Variants in CPS1 observed in about 807,000 individuals in gnomAD.
CPS1 encodes the protein carbamoyl-phosphate synthase 1.
CPS1 carries 109 observed loss-of-function variants against 174.6 expected under a neutral mutation model. The ratio of observed to expected loss-of-function variants is 0.62; its 90% confidence interval spans 0.53 to 0.73. The LOEUF is 0.73. CPS1 is among the 30% of genes least tolerant of loss of function. The pLI is 0.00. For synonymous variants in CPS1, 637 were observed against 632.0 expected, an observed-to-expected ratio of 1.01 and a Z score of -0.12; for missense variants, 1,689 against 1,821.9, an observed-to-expected ratio of 0.93 and a Z score of 1.33.
chr2:210,582,554 T>C (rs2106091649), intron 5 of CPS1, 63 bp from the exon 6 acceptor site: 4 of 1,252,932 alleles, frequency 3.2e-6, no homozygotes, highest in Middle Eastern at 1.9e-4. Flanking sequence ...TCCCTGTGAG[T>C]TTATCTTGTC....
intron 16 of CPS1, among the ~76,000 whole-genome samples, 169 bp downstream of exon 16, chr2:210,602,499 T>G (rs1212930891): frequency 6.6e-6 from 1 of 151,984 alleles, no homozygotes; most frequent in African/African-American, 2.4e-5. Context: ...GAGCATGCAG[T>G]GCAACTCTTC....
intron 25 of CPS1, among the ~76,000 whole-genome samples, chr2:210,645,776 C>G (rs542380241): frequency 1.3e-5 from 2 of 152,226 alleles, no homozygotes; most frequent in East Asian, 3.9e-4. Context: ...AAGCTCTATA[C>G]ATGTATTTGC....
At chr2:210,495,529 C>T (rs1018928375) in intron 1 of CPS1, among the ~76,000 whole-genome samples, 8 of 152,184 alleles carry the variant, frequency 5.3e-5, no homozygotes, top group Non-Finnish European at 1.0e-4. Flanking sequence ...CCCACTCTGT[C>T]CCCAGCTTTT....
intron 30 of CPS1, chr2:210,657,248 AAAT>A (rs1700741271): frequency 6.4e-6 from 1 of 156,116 alleles, no homozygotes; most frequent in African/African-American, 2.4e-5. Flanking sequence ...AACTTAACAA[AAAT>A]AATGACTCTG....
upstream of CPS1, among the ~76,000 whole-genome samples, chr2:210,553,900 A>G (rs910739337): frequency 4.6e-5 from 7 of 151,704 alleles, no homozygotes; most frequent in South Asian, 1.5e-3. Context: ...ACACTCAAGT[A>G]TGAAACTAGC....
At chr2:210,548,742 A>T (rs1696629646) in intron 1 of CPS1, among the ~76,000 whole-genome samples, 1 of 151,978 alleles carries the variant, frequency 6.6e-6, no homozygotes, top group African/African-American at 2.4e-5. Context: ...AGCCTATATA[A>T]AATAAAAAAA....
intron 1 of CPS1, among the ~76,000 whole-genome samples, chr2:210,510,474 G>T (rs1404961851): frequency 1.4e-4 from 22 of 151,956 alleles, no homozygotes; most frequent in Admixed American, 1.3e-3. Context: ...ATGGGCAAGG[G>T]CAAGGACTTC....
At chr2:210,554,078 CATACATATGTATATGTATGTAT>C (rs1696801663), upstream of CPS1, among the ~76,000 whole-genome samples, 1 of 146,754 alleles carries the variant, frequency 6.8e-6, no homozygotes, top group African/African-American at 2.5e-5. Flanking sequence ...TACATATATA[CATACATATGTATATGTATGTAT>C]ATACACATAT....
In CPS1 at chr2:210,556,598, CAAAGATCGCTG is replaced by C; in HGVS notation, c.-135_-125del. 1 of 1,494,176 alleles carries C rather than the reference CAAAGATCGCTG, an allele frequency of 6.7e-7. No individual in the cohort carries two copies. The highest frequency in any genetic ancestry group is 1.4e-5 in the South Asian group (1 of 72,850). 92.6% of individuals were successfully genotyped at this position (1,494,176 alleles called of 1,614,324 possible). A position where few individuals can be genotyped will look rare whatever the true frequency, so the allele number is the denominator to read the frequency against. On this transcript the variant is annotated 5_prime_UTR_variant, in exon 1 of 38. Transcript: ENST00000233072. Reference sequence around the variant, plus strand: ...TTTAATGGCAGAATGAATGGAAATTCAAAGATCGCTGTGCAGTCAGCCTTAAACACTGACTG... The same window carrying C: ...TTTAATGGCAGAATGAATGGAAATTCTGCAGTCAGCCTTAAACACTGACTG...
At chr2:210,629,376 G>A (rs1169706094) in intron 21 of CPS1, among the ~76,000 whole-genome samples, 1 of 151,658 alleles carries the variant, frequency 6.6e-6, no homozygotes, top group African/African-American at 2.4e-5. Context: ...GTGCAGTGGC[G>A]CGATCTCGGC....
At chr2:210,488,965 T>A (rs1036170350) in intron 1 of CPS1, among the ~76,000 whole-genome samples, 12 of 152,220 alleles carry the variant, frequency 7.9e-5, no homozygotes, top group Admixed American at 7.8e-4. Flanking sequence ...ATGAATATTC[T>A]TTTAATTCTT....
chr2:210,571,186 C>G (rs1035103632), intron 1 of CPS1, among the ~76,000 whole-genome samples: 5 of 151,762 alleles, frequency 3.3e-5, no homozygotes, highest in African/African-American at 9.7e-5. Flanking sequence ...CTGAGTAACT[C>G]TAAAGTATTT....
chr2:210,484,881 G>A (rs1694672889), intron 1 of CPS1, among the ~76,000 whole-genome samples: 1 of 152,148 alleles, frequency 6.6e-6, no homozygotes, highest in Non-Finnish European at 1.5e-5. Context: ...GGTTTTCTGT[G>A]TGGCATGCAG....
chr2:210,534,207 G>T (rs1164339267), intron 1 of CPS1, among the ~76,000 whole-genome samples: 1 of 152,200 alleles, frequency 6.6e-6, no homozygotes, highest in Non-Finnish European at 1.5e-5. Flanking sequence ...CTCGCGAGGG[G>T]CTACTCATGG....
rs1222081568 is a variant in CPS1 at position 210,642,657 on chromosome 2, C to A, written c.3133C>A (p.His1045Asn). 6.2e-7 allele frequency: 1 copy of A among 1,613,374 alleles called. No individual in the cohort carries two copies. Among genetic ancestry groups the A allele is most frequent in the Non-Finnish European group, 8.5e-7 (1 of 1,179,748 alleles). Reference protein sequence around the residue: ...LSLERILDIYHQEACGGCIIS... With the variant: ...LSLERILDIYNQEACGGCIIS... The stretch of plus-strand genomic sequence containing the variant: ...CTTGGAGAGAATCCTAGACATCTAC[C>A]ATCAGGAGGTAAGAAAAGAAAAACA... The change falls in exon 25 of 38, where the codon CAT becomes AAT. Residue 1045 changes from histidine (H) to asparagine (N), a missense_variant. Transcript: ENST00000233072.
chr2:210,668,860 C>A (rs553929816), intron 34 of CPS1, among the ~76,000 whole-genome samples: 65 of 152,300 alleles, frequency 4.3e-4, no homozygotes, highest in Non-Finnish European at 8.2e-4. Context: ...CATATCTGTT[C>A]TCTCCTGACC....
chr2:210,657,643 C>T (rs1700760875), intron 30 of CPS1: 1 of 152,146 alleles, frequency 6.6e-6, no homozygotes, highest in Non-Finnish European at 1.5e-5. Flanking sequence ...GAGGAGGTCC[C>T]ATTAGTCTTT....
intron 3 of CPS1, 129 bp from the exon 4 acceptor site, chr2:210,577,292 C>CT: frequency 1.4e-6 from 1 of 717,234 alleles, no homozygotes; most frequent in Non-Finnish European, 2.4e-6. Flanking sequence ...TTTTTTGCCT[C>CT]TTGTTTTTAA....
At chr2:210,493,002 A>G (rs996233493) in intron 1 of CPS1, among the ~76,000 whole-genome samples, 2 of 152,210 alleles carry the variant, frequency 1.3e-5, no homozygotes, top group African/African-American at 4.8e-5. Context: ...AAATAAAAGT[A>G]TCTATAAGTT....
Sources: allele counts gnomAD v4.1 joint callset (sites outside exome capture counted in the v4.1 genomes callset), GRCh38; gene constraint gnomAD v4.1.1; transcripts MANE v1.5; gene names NCBI Gene and HGNC (gene_info 2026-07-23, HGNC 2026-07-21).